The following NBAS variants were observed in gnomAD, a reference collection of about 807,000 sequenced individuals.
NBAS encodes NAG/BC035112 fusion.
NBAS carries 219 observed loss-of-function variants against 302.5 expected under a neutral mutation model. The ratio of observed to expected loss-of-function variants is 0.72; its 90% CI spans 0.65 to 0.81. The LOEUF is 0.81. Among genes scored for constraint, NBAS ranks in the 30% least tolerant of loss-of-function variants. NBAS has a pLI of 0.00. For synonymous variants in NBAS, 1,118 were observed against 1,021.6 expected (o/e 1.09, Z -1.80); for missense variants, 2,932 against 2,841.6 (o/e 1.03, Z -0.72).
At chr2:15,427,576 A>T in intron 22 of NBAS, 135 bp downstream of exon 22, 1 of 737,298 alleles carries the variant, frequency 1.4e-6, no homozygotes, top group Non-Finnish European at 2.3e-6. Flanking sequence ...AAAGGAGTTT[A>T]AAACTTCACT....
At chr2:15,087,062 T>C in the NBAS span, among the ~76,000 whole-genome samples, 1 of 152,038 alleles carries the variant, frequency 6.6e-6, no homozygotes, top group African/African-American at 2.4e-5. Context: ...TTTTTTCCCC[T>C]GATTTCAGAC....
chr2:14,873,151 C>CACAGAGAGCTGATTGGCCCATTTT, the NBAS span, among the ~76,000 whole-genome samples: 1 of 152,166 alleles, frequency 6.6e-6, no homozygotes, highest in Non-Finnish European at 1.5e-5. Flanking sequence ...TAGTCCATTT[C>CACAGAGAGCTGATTGGCCCATTTT]ACAGAGAGCT....
chr2:15,196,157 C>T (rs1407225413), intron 48 of NBAS, among the ~76,000 whole-genome samples: 2 of 152,180 alleles, frequency 1.3e-5, no homozygotes, highest in African/African-American at 2.4e-5. Context: ...TGCCTTACAT[C>T]CTTTGGATGA....
At chr2:14,932,441 A>T in the NBAS span, among the ~76,000 whole-genome samples, 2 of 152,194 alleles carry the variant, frequency 1.3e-5, no homozygotes, top group South Asian at 2.1e-4. Flanking sequence ...TATTTTATAG[A>T]TGAGGACACT....
the NBAS span, among the ~76,000 whole-genome samples, chr2:14,994,107 T>A: frequency 6.6e-6 from 1 of 152,252 alleles, no homozygotes; most frequent in Non-Finnish European, 1.5e-5. Context: ...CCAAGCTCCC[T>A]GAGAACTGGG....
the NBAS span, among the ~76,000 whole-genome samples, chr2:14,877,619 G>A: frequency 2.6e-5 from 4 of 152,010 alleles, no homozygotes; most frequent in African/African-American, 9.7e-5. Flanking sequence ...TGGGGAGTTA[G>A]GAAAACATGG....
At chr2:15,123,021 C>G in the NBAS span, among the ~76,000 whole-genome samples, 1 of 152,172 alleles carries the variant, frequency 6.6e-6, no homozygotes, top group African/African-American at 2.4e-5. Flanking sequence ...ACAAGGCACT[C>G]CAGCTCAGTA....
At chr2:15,192,187 G>A (rs1665389630) in intron 48 of NBAS, among the ~76,000 whole-genome samples, 1 of 150,472 alleles carries the variant, frequency 6.6e-6, no homozygotes, top group South Asian at 2.1e-4. Context: ...ATGTAAGATT[G>A]CCTTTCTTGT....
At chr2:14,895,476 C>T in the NBAS span, among the ~76,000 whole-genome samples, 16 of 152,090 alleles carry the variant, frequency 1.1e-4, no homozygotes, top group Admixed American at 6.5e-4. Flanking sequence ...CTGTGGCTCA[C>T]GCCTGTAATC....
chr2:15,434,100 G>A (rs1677892915), intron 21 of NBAS, among the ~76,000 whole-genome samples: 1 of 151,994 alleles, frequency 6.6e-6, no homozygotes, highest in Non-Finnish European at 1.5e-5. Flanking sequence ...ATTCCAGCCT[G>A]GATGACAGAG....
At chr2:15,449,191 T>C (rs1678892038) in intron 21 of NBAS, among the ~76,000 whole-genome samples, 1 of 152,204 alleles carries the variant, frequency 6.6e-6, no homozygotes, top group East Asian at 1.9e-4. Flanking sequence ...TTAAAAATAC[T>C]GGAAAATAGT....
At chr2:15,183,041 A>G (rs13399626) in intron 50 of NBAS, among the ~76,000 whole-genome samples, 12 of 151,896 alleles carry the variant, frequency 7.9e-5, no homozygotes, top group Admixed American at 2.0e-4. Context: ...AAAGGTATTG[A>G]ATTTAGGAAA....
chr2:15,248,092 TAACA>T (rs770183010), intron 44 of NBAS, among the ~76,000 whole-genome samples: 3 of 152,152 alleles, frequency 2.0e-5, no homozygotes, highest in Non-Finnish European at 4.4e-5. Context: ...ATGGAAATCA[TAACA>T]AACAGTCTCT....
rs200303979 is a variant in NBAS at position 15,330,587 on chromosome 2, G to T, written c.4347+11C>A. On this transcript the variant is annotated intron_variant, in intron 36 of 51. Transcript: ENST00000281513. ...TGCAGTTGATTTTAAAAAGAAAGAT[G>T]CACTGCTTACCTGAAGGGGTCGAAG... is the stretch of plus-strand genomic sequence containing the variant. The T allele has an allele frequency of 3.8e-5, 62 of 1,613,360 alleles. No homozygotes were observed. The highest frequency in any genetic ancestry group is 4.9e-5 in the Non-Finnish European group (58 of 1,179,616).
At chr2:14,791,363 T>C in the NBAS span, among the ~76,000 whole-genome samples, 48 of 152,238 alleles carry the variant, frequency 3.2e-4, 1 homozygote, top group African/African-American at 1.1e-3. Context: ...ACCTGCTAAG[T>C]GGAACGAAAA....
At chr2:15,014,938 CA>C in the NBAS span, among the ~76,000 whole-genome samples, 2 of 151,038 alleles carry the variant, frequency 1.3e-5, no homozygotes, top group African/African-American at 2.4e-5. Context: ...AAATCAGAAG[CA>C]AAAAAGGAGA....
rs1317646458 is a variant in NBAS at position 15,554,086 on chromosome 2, T to C, written c.262A>G (p.Ile88Val). 6.2e-7 allele frequency: 1 copy of C among 1,614,016 alleles called. No individual in the cohort carries two copies. Among genetic ancestry groups the C allele is most frequent in the East Asian group, 2.2e-5 (1 of 44,870 alleles). Residue 88 changes from isoleucine to valine, a missense_variant, in exon 4 of 52, where the codon ATA (isoleucine) becomes GTA (valine). Coordinates refer to ENST00000281513, the MANE Select transcript of NBAS (RefSeq NM_015909.4). ...DGLVRLVNKQ[I>V]NWHLVLASNG... ...CTTGCAAGTACCAAATGCCAGTTTA[T>C]CTGTTTATTAACCAAGCGAACCAGT...
At chr2:14,787,895 T>G in the NBAS span, among the ~76,000 whole-genome samples, 3 of 152,240 alleles carry the variant, frequency 2.0e-5, no homozygotes, top group Non-Finnish European at 4.4e-5. Context: ...GAAGTTCTCC[T>G]GGATAACATC....
At chr2:15,043,470 C>G in the NBAS span, among the ~76,000 whole-genome samples, 2 of 152,180 alleles carry the variant, frequency 1.3e-5, no homozygotes, top group African/African-American at 2.4e-5. Context: ...CATCCATGAC[C>G]TGCAAGCTAA....
Sources: allele counts gnomAD v4.1 joint callset (sites outside exome capture counted in the v4.1 genomes callset), GRCh38; gene constraint gnomAD v4.1.1; transcripts MANE v1.5; gene names NCBI Gene and HGNC (gene_info 2026-07-23, HGNC 2026-07-21).